Variants in HECTD4 observed in about 807,000 individuals in gnomAD.
HECTD4 encodes the protein probable E3 ubiquitin-protein ligase HECTD4.
HECTD4 carries 114 observed loss-of-function variants against 471.5 expected under a neutral mutation model. The ratio of observed to expected loss-of-function variants is 0.24; its 90% CI spans 0.21 to 0.28. The LOEUF (loss-of-function observed/expected upper bound fraction) is 0.28, where lower values mean the gene tolerates loss of function less well. HECTD4 is among the 10% of genes least tolerant of loss of function. The pLI is 1.00. For synonymous variants in HECTD4, 2,012 were observed against 2,256.0 expected (o/e 0.89, Z 3.07); for missense variants, 3,866 against 5,651.5 (o/e 0.68, Z 10.13).
chr12:112,246,755 T>A (rs1470785937), intron 29 of HECTD4, 146 bp downstream of exon 29: 1 of 634,928 alleles, frequency 1.6e-6, no homozygotes, highest in Non-Finnish European at 2.4e-6. Flanking sequence ...AAGGCAAAAT[T>A]AAATATGTTA....
rs762225084 is a variant in HECTD4, at chr12:112,172,740, G to A, written c.11716C>T (p.Arg3906Trp). The change falls in exon 67 of 76, where the codon CGG becomes TGG. Residue 3906 changes from arginine to tryptophan, a missense_variant. Arg to Trp is a moderately radical substitution (Grantham distance 101). This residue lies in a region of HECTD4 where 715 missense variants were observed against 1,087.6 expected (regional missense o/e 0.66). Transcript: ENST00000682272. ...LCRHLAITPA[R>W]LHPHEVYLDP... ...AGGTACACCTCATGGGGATGGAGCC[G>A]TGCGGGTGTGATGGCGAGGTGGCGG... is the stretch of plus-strand genomic sequence containing the variant. 1.2e-5 allele frequency: 19 copies of A among 1,613,888 alleles called. No homozygotes were observed. The highest frequency in any genetic ancestry group is 3.3e-5 in the Admixed American group (2 of 60,012).
intron 1 of HECTD4, among the ~76,000 whole-genome samples, chr12:112,380,424 G>C (rs545690833): frequency 6.6e-6 from 1 of 151,748 alleles, no homozygotes; most frequent in African/African-American, 2.4e-5. Context: ...CAGCCTGGGC[G>C]ACAGAGCAAG....
chr12:112,181,343 AC>A (rs902400610), intron 62 of HECTD4, among the ~76,000 whole-genome samples: 2 of 152,154 alleles, frequency 1.3e-5, no homozygotes, highest in Admixed American at 6.5e-5. Context: ...CTTTAAAAAA[AC>A]TATACTACAA....
intron 7 of HECTD4, among the ~76,000 whole-genome samples, chr12:112,291,384 A>C (rs887241968): frequency 6.6e-6 from 1 of 152,144 alleles, no homozygotes; most frequent in South Asian, 2.1e-4. Context: ...TATTAGCAAT[A>C]ATTCTTGACA....
rs545111658 is a variant in HECTD4, at chr12:112,239,844, G to A, written c.5105+37C>T. On this transcript the variant is annotated intron_variant, in intron 33 of 75. Transcript: ENST00000682272. The surrounding 1 kb of genome is among the most constrained non-coding windows in gnomAD (Gnocchi z 4.9). ...TTCACTTAATCGACTATACTGCAGGGTAACTTACATACAACAAAAGGCCTT... is the reference window on the plus strand; with the variant it reads ...TTCACTTAATCGACTATACTGCAGGATAACTTACATACAACAAAAGGCCTT... The A allele has an allele frequency of 1.9e-6, 3 of 1,569,508 alleles. No individual in the cohort carries two copies. The highest frequency in any genetic ancestry group is 3.5e-5 in the Admixed American group (2 of 56,912).
In HECTD4 at chr12:112,172,794, C is replaced by T; in HGVS notation, c.11662G>A (p.Ala3888Thr). 6.2e-7 allele frequency: 1 copy of T among 1,613,994 alleles called. No homozygotes were observed. The highest frequency in any genetic ancestry group is 1.3e-5 in the African/African-American group (1 of 75,034). ...AGCTGGTTGATGTACTGCACAAGTGCCACGTCCATCTCCAGGGTCCACTTT... is the reference window on the plus strand; with the variant it reads ...AGCTGGTTGATGTACTGCACAAGTGTCACGTCCATCTCCAGGGTCCACTTT... Reference protein sequence around the residue: ...SRKWTLEMDVALVQYINQLCR... With the variant: ...SRKWTLEMDVTLVQYINQLCR... The change falls in exon 67 of 76, where the codon GCA (alanine) becomes ACA (threonine). Residue 3888 changes from alanine to threonine, a missense_variant. Coordinates refer to ENST00000682272, the MANE Select transcript of HECTD4 (RefSeq NM_001388303.1).
chr12:112,259,405 G>T, intron 18 of HECTD4, 140 bp from the exon 19 acceptor site: 2 of 796,156 alleles, frequency 2.5e-6, no homozygotes, highest in African/African-American at 1.8e-5. Context: ...TAGCAATTCA[G>T]TCCACAAATT....
At chr12:112,192,811 C>T in intron 58 of HECTD4, 46 bp from the exon 59 acceptor site, 1 of 1,458,904 alleles carries the variant, frequency 6.9e-7, no homozygotes, top group South Asian at 1.3e-5. Flanking sequence ...TCTAGCCATG[C>T]ACATGGGGAC....
chr12:112,185,551 C>T (rs182786914), intron 60 of HECTD4, 58 bp from the exon 61 acceptor site: 5 of 1,351,690 alleles, frequency 3.7e-6, no homozygotes, highest in Admixed American at 2.4e-5. Flanking sequence ...ATGTTCCAGG[C>T]GCAGTTCTGA....
At position 112,248,433 on chromosome 12, in the gene HECTD4, G is replaced by C. The variant is rs1490583459; in HGVS notation, c.4030C>G (p.Gln1344Glu). The stretch of plus-strand genomic sequence containing the variant: ...TGATATTGGAAATTTATTAGAGACT[G>C]CAGTGCATCAACCAAGTTCAAGTGC... The part of the protein sequence containing the change: ...IKHLNLVDAL[Q>E]SLINFQYQEE... Residue 1344 changes from glutamine to glutamate, a missense_variant, in exon 26 of 76, where the codon CAG (glutamine) becomes GAG (glutamate). This residue lies in a region of HECTD4 where 281 missense variants were observed against 499.9 expected (regional missense o/e 0.56). Transcript: ENST00000682272. 6.2e-7 allele frequency: 1 copy of C among 1,611,196 alleles called. No individual in the cohort carries two copies. The highest frequency in any genetic ancestry group is 8.5e-7 in the Non-Finnish European group (1 of 1,177,900).
At chr12:112,256,202 A>T in intron 21 of HECTD4, 118 bp downstream of exon 21, 1 of 721,530 alleles carries the variant, frequency 1.4e-6, no homozygotes, top group Non-Finnish European at 2.2e-6. Flanking sequence ...AGTTCTCCTT[A>T]GAGATATCTG....
At chr12:112,374,855 G>T (rs1210115038) in intron 1 of HECTD4, among the ~76,000 whole-genome samples, 1 of 152,078 alleles carries the variant, frequency 6.6e-6, no homozygotes, top group Non-Finnish European at 1.5e-5. Flanking sequence ...TTTCTTATCT[G>T]GCAAAACAAA....
rs150976845 is a variant in HECTD4 at position 112,187,622 on chromosome 12, CTTTT to C, written c.9473-2133_9473-2130del. ...AGAAGTGATGTAAAGGTTTCCTTTCCTTTTTTTTTTTTTTTTTTTTTTGAGACGG... is the reference window on the plus strand; with the variant it reads ...AGAAGTGATGTAAAGGTTTCCTTTCCTTTTTTTTTTTTTTTTTTGAGACGG... On this transcript the variant is annotated intron_variant, in intron 60 of 75. Transcript: ENST00000682272. Among the ~76,000 whole-genome samples the C allele has an allele frequency of 3.7e-4, 32 of 86,000 alleles. No homozygotes were observed. The East Asian group carries it at 0.012, about 32-fold the overall frequency. 56.4% of individuals were successfully genotyped at this position (86,000 alleles called of 152,430 possible). A position where few individuals can be genotyped will look rare whatever the true frequency, so the allele number is the denominator to read the frequency against.
chr12:112,304,095 C>T (rs1323914711), intron 7 of HECTD4, among the ~76,000 whole-genome samples: 2 of 151,518 alleles, frequency 1.3e-5, no homozygotes, highest in Non-Finnish European at 2.9e-5. Flanking sequence ...CAAGGGTCTC[C>T]TGTTTTTCAT....
chr12:112,332,909 T>C (rs550024085), intron 1 of HECTD4, among the ~76,000 whole-genome samples: 1 of 152,334 alleles, frequency 6.6e-6, no homozygotes, highest in South Asian at 2.1e-4. Context: ...TTTCTATATT[T>C]ATAGATTTGC....
At position 112,381,849 on chromosome 12, in the gene HECTD4, G is replaced by T; in HGVS notation, c.177+103C>A. 2 of 848,658 alleles carry T rather than the reference G, an allele frequency of 2.4e-6. No homozygotes were observed. The highest frequency in any genetic ancestry group is 3.1e-6 in the Non-Finnish European group (2 of 645,704). 52.6% of individuals were successfully genotyped at this position (848,658 alleles called of 1,614,324 possible). A position where few individuals can be genotyped will look rare whatever the true frequency, so the allele number is the denominator to read the frequency against. ...CCCACACACACCTGCCCCGGCAGCC[G>T]CCGGGAGGCGAGGCCGCGGCTGAGG... On this transcript the variant is annotated intron_variant, in intron 1 of 75. Transcript: ENST00000682272. The surrounding 1 kb of genome is among the most constrained non-coding windows in gnomAD (Gnocchi z 4.1).
At chr12:112,286,457 T>C (rs1027088573) in intron 7 of HECTD4, among the ~76,000 whole-genome samples, 6 of 152,190 alleles carry the variant, frequency 3.9e-5, no homozygotes, top group Admixed American at 2.6e-4. Flanking sequence ...GAAGATCACT[T>C]GAGCCCAGGA....
At position 112,174,908 on chromosome 12, in the gene HECTD4, C is replaced by T. The variant is rs7953552; in HGVS notation, c.11594+828G>A. ...TGCTGTGGACAAGGCTGAGTAGGGG[C>T]GTGTGTGTGTGTATGTGCACACGTG... On this transcript the variant is annotated intron_variant, in intron 66 of 75. Transcript: ENST00000682272. 1.4e-3 allele frequency among the ~76,000 whole-genome samples: 220 copies of T among 151,862 alleles called. 1 individual carries two copies. The highest frequency in any genetic ancestry group is 4.8e-3 in the African/African-American group (198 of 41,408).
chr12:112,176,349 AT>A (rs113868837), intron 65 of HECTD4, among the ~76,000 whole-genome samples: 11 of 152,244 alleles, frequency 7.2e-5, no homozygotes, highest in African/African-American at 2.6e-4. Context: ...TGGAACTGCT[AT>A]TTTACTTCCT....
Sources: gnomAD v4.1 joint callset for allele counts (sites outside exome capture counted in the v4.1 genomes callset) on GRCh38, gnomAD v4.1.1 for gene constraint, gnomAD v4.1.1 regional missense constraint, Gnocchi (gnomAD v3.1) non-coding constraint, MANE v1.5 for transcripts, NCBI Gene and HGNC (gene_info 2026-07-23, HGNC 2026-07-21) for gene names.